DESI2: variants seen among roughly 807,000 people sequenced by gnomAD.
DESI2 encodes the protein desumoylating isopeptidase 2, also known as deubiquitinase DESI2.
DESI2 carries 10 observed loss-of-function variants against 24.1 expected under a neutral mutation model. The ratio of observed to expected loss-of-function variants is 0.41; its 90% confidence interval spans 0.26 to 0.70. DESI2 has a LOEUF of 0.70. Among genes scored for constraint, DESI2 ranks in the 30% least tolerant of loss-of-function variants. The pLI is 0.29. For missense variants in DESI2, 122 were observed against 234.9 expected, an observed-to-expected ratio of 0.52 and a Z score of 3.14; for synonymous variants, 71 against 87.7, an observed-to-expected ratio of 0.81 and a Z score of 1.06.
intron 1 of DESI2, chr1:244,654,009 T>C (rs1436133587): frequency 1.5e-5 from 7 of 471,082 alleles, no homozygotes; most frequent in Non-Finnish European, 3.1e-5. Context: ...TCCTACACTC[T>C]GAAGACCACT....
intron 1 of DESI2, among the ~76,000 whole-genome samples, chr1:244,683,792 C>T (rs1228620029): frequency 6.6e-6 from 1 of 151,920 alleles, no homozygotes; most frequent in Non-Finnish European, 1.5e-5. Context: ...GTGATCATAG[C>T]TCACTGCAAC....
intron 1 of DESI2, among the ~76,000 whole-genome samples, chr1:244,673,672 T>A (rs1006260188): frequency 7.2e-5 from 11 of 152,154 alleles, no homozygotes; most frequent in African/African-American, 2.4e-4. Flanking sequence ...TTCACTTTTT[T>A]TCCATTGAGA....
At chr1:244,704,754 G>C (rs568841718) in intron 4 of DESI2, among the ~76,000 whole-genome samples, 42 of 152,160 alleles carry the variant, frequency 2.8e-4, no homozygotes, top group Non-Finnish European at 5.4e-4. Flanking sequence ...CGCCTCCCGG[G>C]TTCAGGTGAT....
At chr1:244,669,408 C>T (rs1357377051) in intron 1 of DESI2, among the ~76,000 whole-genome samples, 1 of 152,064 alleles carries the variant, frequency 6.6e-6, no homozygotes, top group Admixed American at 6.6e-5. Flanking sequence ...GCCAGTTGCT[C>T]TGGCTCACAC....
intron 1 of DESI2, among the ~76,000 whole-genome samples, chr1:244,675,929 T>G (rs920216744): frequency 2.6e-5 from 4 of 152,226 alleles, no homozygotes; most frequent in African/African-American, 7.2e-5. Context: ...TATTTAGGTC[T>G]TCTTTAATTT....
rs1456964843 is a variant in DESI2 at position 244,707,289 on chromosome 1, G to C, written c.*1500G>C. 1 of 152,502 alleles carries C rather than the reference G, an allele frequency of 6.6e-6. No individual in the cohort carries two copies. Among genetic ancestry groups the C allele is most frequent in the Non-Finnish European group, 1.5e-5 (1 of 68,004 alleles). The allele number at this position is 152,502 out of a possible 1,614,324, so 9.4% of individuals were successfully genotyped here. A position where few individuals can be genotyped will look rare whatever the true frequency, so the allele number is the denominator to read the frequency against. ...TTTAACTTTTCCATAAGCTGATTTT[G>C]GTTCATTTTATCAACGTAAGCACAC... On this transcript the variant is annotated 3_prime_UTR_variant, in exon 5 of 5. Coordinates refer to ENST00000302550, the MANE Select transcript of DESI2 (RefSeq NM_016076.5).
intron 1 of DESI2, among the ~76,000 whole-genome samples, chr1:244,662,564 T>C (rs1399193204): frequency 6.6e-6 from 1 of 152,292 alleles, no homozygotes; most frequent in Middle Eastern, 3.4e-3. Flanking sequence ...AATAGTTAAA[T>C]AATGCCAAAC....
At chr1:244,675,546 C>A (rs1320171025) in intron 1 of DESI2, among the ~76,000 whole-genome samples, 1 of 152,146 alleles carries the variant, frequency 6.6e-6, no homozygotes, top group Non-Finnish European at 1.5e-5. Context: ...CTTCTTTTCC[C>A]ACTGAATTGT....
At position 244,698,710 on chromosome 1, in the gene DESI2, C is replaced by T. The variant is rs560108789; in HGVS notation, c.351+6690C>T. On this transcript the variant is annotated intron_variant, in intron 4 of 4. Transcript: ENST00000302550. Reference sequence around the variant, plus strand: ...GATACAGGCTCAGGGAAGACGACTTCTATTTGGGGATCAAGGCAGATTCAG... The same window carrying T: ...GATACAGGCTCAGGGAAGACGACTTTTATTTGGGGATCAAGGCAGATTCAG... 8.1e-4 allele frequency among the ~76,000 whole-genome samples: 124 copies of T among 152,284 alleles called. 2 individuals carry two copies. The Middle Eastern group carries it at 0.017, about 21-fold the overall frequency.
At chr1:244,694,454 A>C (rs1677138864) in intron 4 of DESI2, 1 of 775,826 alleles carries the variant, frequency 1.3e-6, no homozygotes, top group Non-Finnish European at 2.3e-6. Context: ...ATGCTGCAGC[A>C]GCTGCCCTCT....
At chr1:244,693,105 C>T (rs1456462366) in intron 4 of DESI2, among the ~76,000 whole-genome samples, 1 of 152,124 alleles carries the variant, frequency 6.6e-6, no homozygotes, top group Non-Finnish European at 1.5e-5. Flanking sequence ...AGACAGCATC[C>T]TAATCCACTC....
At chr1:244,703,861 T>C (rs1677582510) in intron 4 of DESI2, among the ~76,000 whole-genome samples, 1 of 152,116 alleles carries the variant, frequency 6.6e-6, no homozygotes, top group Non-Finnish European at 1.5e-5. Context: ...GGTTTCACTG[T>C]GTTAGCCAGG....
chr1:244,667,578 A>C (rs1039974742), intron 1 of DESI2, among the ~76,000 whole-genome samples: 5 of 152,240 alleles, frequency 3.3e-5, no homozygotes, highest in Non-Finnish European at 7.3e-5. Context: ...ACACAGCTAA[A>C]AAGGGGGTAG....
At chr1:244,682,030 C>T (rs1486227944) in intron 1 of DESI2, among the ~76,000 whole-genome samples, 2 of 152,124 alleles carry the variant, frequency 1.3e-5, no homozygotes, top group African/African-American at 2.4e-5. Flanking sequence ...TTCGTGGTCT[C>T]GCTGACTTCA....
chr1:244,654,142 A>T (rs1675566264), intron 1 of DESI2: 1 of 402,020 alleles, frequency 2.5e-6, no homozygotes, highest in Admixed American at 3.1e-5. Flanking sequence ...GGTTTGCCTG[A>T]TTTTTGCAGT....
intron 1 of DESI2, among the ~76,000 whole-genome samples, chr1:244,660,017 T>A (rs1027747267): frequency 2.6e-5 from 4 of 152,244 alleles, no homozygotes; most frequent in Non-Finnish European, 4.4e-5. Flanking sequence ...GGCATACCGT[T>A]CCAGTGTATA....
At chr1:244,674,538 C>T (rs1302235203) in intron 1 of DESI2, among the ~76,000 whole-genome samples, 2 of 152,188 alleles carry the variant, frequency 1.3e-5, no homozygotes, top group Admixed American at 1.3e-4. Flanking sequence ...AACTTCCAGT[C>T]ATAGAACCAC....
In DESI2 at chr1:244,660,136, T is replaced by G. The variant is rs183649820; in HGVS notation, c.42+6781T>G. Among the ~76,000 whole-genome samples the G allele has an allele frequency of 3.5e-3, 529 of 151,462 alleles. 1 individual carries two copies. The highest frequency in any genetic ancestry group is 4.9e-3 in the Non-Finnish European group (332 of 67,940). On this transcript the variant is annotated intron_variant, in intron 1 of 4. Coordinates refer to ENST00000302550, the MANE Select transcript of DESI2 (RefSeq NM_016076.5). ...GAGAGCCTACTATTTAGATGAATTC[T>G]TTGTTTTATGGATTTTTCTTTTTTT...
At chr1:244,672,396 T>A (rs1676277046) in intron 1 of DESI2, among the ~76,000 whole-genome samples, 1 of 152,142 alleles carries the variant, frequency 6.6e-6, no homozygotes, top group South Asian at 2.1e-4. Flanking sequence ...CCACCATGAT[T>A]GGAAGCTTCC....
Sources: gnomAD v4.1 joint callset for allele counts (sites outside exome capture counted in the v4.1 genomes callset) on GRCh38, gnomAD v4.1.1 for gene constraint, MANE v1.5 for transcripts, NCBI Gene and HGNC (gene_info 2026-07-23, HGNC 2026-07-21) for gene names.